Variants in LGSN observed in about 807,000 individuals in gnomAD.
The protein encoded by LGSN is lengsin.
Under a neutral mutation model 19.5 loss-of-function variants are expected in LGSN, and 21 were observed. The ratio of observed to expected loss-of-function variants is 1.07; its 90% CI spans 0.76 to 1.55. LGSN has a LOEUF of 1.55. Ranked by LOEUF, LGSN falls within the 40% of genes most tolerant of loss-of-function variation. LGSN has a pLI of 0.00. For missense variants in LGSN, 673 were observed against 608.5 expected (o/e 1.11, Z -1.12); for synonymous variants, 257 against 215.6 (o/e 1.19, Z -1.68).
chr6:63,293,805 G>A (rs1052728966), intron 2 of LGSN: 1 of 456,196 alleles, frequency 2.2e-6, no homozygotes, highest in Admixed American at 2.4e-5. Context: ...TCCCATGATA[G>A]GTTTGCTTGT....
chr6:63,323,295 G>A (rs1562024333), upstream of LGSN, among the ~76,000 whole-genome samples: 1 of 152,146 alleles, frequency 6.6e-6, no homozygotes, highest in African/African-American at 2.4e-5. Flanking sequence ...TTTGTTACAT[G>A]AATATAGTGC....
At chr6:63,562,856 A>G in the LGSN span, among the ~76,000 whole-genome samples, 2 of 152,220 alleles carry the variant, frequency 1.3e-5, no homozygotes, top group African/African-American at 4.8e-5. Context: ...TATTCCCTAC[A>G]AACATATTGC....
Position 63,280,547 on chromosome 6 carries a change from T to C in LGSN, c.1004A>G (p.Glu335Gly). The C allele has an allele frequency of 6.2e-7, 1 of 1,614,080 alleles. No homozygotes were observed. The change falls in exon 4 of 4, where the codon GAG becomes GGG. Residue 335 changes from glutamate (E) to glycine (G), a missense_variant. Transcript: ENST00000370657. ...TTTTTTCCCAGTGATCGTGAGCTGC[T>C]CAGTTCCAGAAGTGCTGCAGAACAT... ...KNMFCSTSGTEQLTITGKKWL... is the reference protein window; with the variant it reads ...KNMFCSTSGTGQLTITGKKWL...
chr6:63,413,404 G>C, the LGSN span, among the ~76,000 whole-genome samples: 1 of 152,058 alleles, frequency 6.6e-6, no homozygotes, highest in African/African-American at 2.4e-5. Flanking sequence ...AGAAAGATTG[G>C]CTGACATTTA....
the LGSN span, among the ~76,000 whole-genome samples, chr6:63,442,760 G>T: frequency 1.3e-5 from 2 of 152,094 alleles, no homozygotes; most frequent in South Asian, 4.1e-4. Flanking sequence ...CACCAGATTA[G>T]CTAGATACAG....
the LGSN span, among the ~76,000 whole-genome samples, chr6:63,461,641 A>G: frequency 3.3e-5 from 5 of 152,234 alleles, no homozygotes; most frequent in Non-Finnish European, 1.5e-5. Context: ...ACAGATGGAA[A>G]AACAAAGGCA....
At chr6:63,368,557 C>T in the LGSN span, among the ~76,000 whole-genome samples, 4 of 152,240 alleles carry the variant, frequency 2.6e-5, no homozygotes, top group Non-Finnish European at 4.4e-5. Context: ...AATTGTTTCC[C>T]GGTAACACCG....
At chr6:63,321,884 A>C (rs1011250114), upstream of LGSN, among the ~76,000 whole-genome samples, 1 of 152,216 alleles carries the variant, frequency 6.6e-6, no homozygotes, top group Non-Finnish European at 1.5e-5. Context: ...CCATGAATGT[A>C]AATGATACAA....
chr6:63,534,485 A>ACACT, the LGSN span, among the ~76,000 whole-genome samples: 2 of 149,552 alleles, frequency 1.3e-5, no homozygotes, highest in Non-Finnish European at 3.0e-5. Context: ...ACACACACAC[A>ACACT]CCTCTAAAAC....
At chr6:63,501,925 CACTGGGACTATAG>C in the LGSN span, among the ~76,000 whole-genome samples, 1 of 152,154 alleles carries the variant, frequency 6.6e-6, no homozygotes, top group East Asian at 1.9e-4. Context: ...CCTCCCAAGT[CACTGGGACTATAG>C]GCACACACCA....
chr6:63,437,932 A>T, the LGSN span, among the ~76,000 whole-genome samples: 7 of 151,712 alleles, frequency 4.6e-5, no homozygotes, highest in East Asian at 1.9e-4. Context: ...TATCTCAAAA[A>T]ATATATATAT....
intron 2 of LGSN, 59 bp downstream of exon 2, chr6:63,294,854 G>A (rs921633401): frequency 1.9e-6 from 3 of 1,542,388 alleles, no homozygotes; most frequent in Non-Finnish European, 2.7e-6. Flanking sequence ...TGAAAAGAAA[G>A]ACCAAATGGA....
chr6:63,299,917 A>G (rs1388205845), intron 1 of LGSN, among the ~76,000 whole-genome samples: 1 of 152,156 alleles, frequency 6.6e-6, no homozygotes, highest in East Asian at 1.9e-4. Flanking sequence ...CTTCTGTCAA[A>G]TTTTGATACG....
chr6:63,412,843 A>G, the LGSN span, among the ~76,000 whole-genome samples: 1 of 150,388 alleles, frequency 6.6e-6, no homozygotes, highest in African/African-American at 2.5e-5. Context: ...GAAGGAAGAA[A>G]GGAAGGAAGG....
chr6:63,384,830 A>C, the LGSN span, among the ~76,000 whole-genome samples: 2 of 152,276 alleles, frequency 1.3e-5, no homozygotes, highest in South Asian at 4.1e-4. Context: ...GATAATGTCT[A>C]TAAAGAGGTT....
upstream of LGSN, among the ~76,000 whole-genome samples, chr6:63,323,586 A>G (rs926059541): frequency 6.2e-4 from 94 of 151,204 alleles, no homozygotes; most frequent in African/African-American, 2.3e-3. Context: ...ACACACACAC[A>G]CACACACACA....
the LGSN span, among the ~76,000 whole-genome samples, chr6:63,522,316 A>G: frequency 1.3e-5 from 2 of 152,240 alleles, no homozygotes; most frequent in Non-Finnish European, 2.9e-5. Flanking sequence ...AGATGTCCAG[A>G]AACCATATTC....
the LGSN span, among the ~76,000 whole-genome samples, chr6:63,458,938 T>C: frequency 6.6e-5 from 10 of 152,228 alleles, no homozygotes; most frequent in Non-Finnish European, 1.5e-5. Context: ...TACCATTATG[T>C]AAAGTTTGTA....
the LGSN span, among the ~76,000 whole-genome samples, chr6:63,444,352 A>G: frequency 1.3e-5 from 2 of 152,252 alleles, no homozygotes; most frequent in African/African-American, 4.8e-5. Flanking sequence ...TCCACTACAC[A>G]TTAATGATGT....
Sources: allele counts gnomAD v4.1 joint callset (sites outside exome capture counted in the v4.1 genomes callset), GRCh38; gene constraint gnomAD v4.1.1; transcripts MANE v1.5; gene names NCBI Gene and HGNC (gene_info 2026-07-23, HGNC 2026-07-21).